The following KCNB2 variants were observed in gnomAD, a reference collection of about 807,000 sequenced individuals.
KCNB2 encodes delayed rectifier potassium channel protein.
In KCNB2, 15 loss-of-function variants were observed where a neutral mutation model predicts 61.5. The ratio of observed to expected loss-of-function variants is 0.24; its 90% CI spans 0.16 to 0.38. The LOEUF is 0.38. Ranked by LOEUF, KCNB2 falls within the 10% of genes least tolerant of loss-of-function variation. The probability of loss-of-function intolerance (pLI) is 1.00; values close to 1 mark genes in which losing one functional copy is unlikely to be tolerated. For missense variants in KCNB2, 828 were observed against 1,125.2 expected (o/e 0.74, Z 3.78); for synonymous variants, 457 against 446.0 (o/e 1.02, Z -0.31).
intron 2 of KCNB2, among the ~76,000 whole-genome samples, chr8:72,588,218 CTT>C (rs34803136): frequency 9.0e-5 from 12 of 132,814 alleles, no homozygotes; most frequent in Non-Finnish European, 9.5e-5. Context: ...GGTTTCTTTT[CTT>C]TTTTTTTTTT....
chr8:72,725,122 A>G (rs1807611013), intron 2 of KCNB2, among the ~76,000 whole-genome samples: 1 of 152,156 alleles, frequency 6.6e-6, no homozygotes. Context: ...TTTGCAGCAA[A>G]AGAATAATTT....
At chr8:72,537,965 G>C (rs1017887155) in intron 1 of KCNB2, 80 bp downstream of exon 1, 15 of 152,332 alleles carry the variant, frequency 9.8e-5, no homozygotes, top group African/African-American at 3.1e-4. Flanking sequence ...AGCCAGACTT[G>C]AGTTGCTAAA....
intron 2 of KCNB2, among the ~76,000 whole-genome samples, chr8:72,618,121 C>T (rs1805650612): frequency 6.6e-6 from 1 of 152,056 alleles, no homozygotes; most frequent in African/African-American, 2.4e-5. Context: ...GCTAAAAATG[C>T]CTACCGAGAT....
chr8:72,869,746 T>C (rs1286217656), intron 2 of KCNB2, among the ~76,000 whole-genome samples: 1 of 152,158 alleles, frequency 6.6e-6, no homozygotes, highest in East Asian at 1.9e-4. Context: ...TTGGTTGAAA[T>C]GTAAATGAGT....
intron 1 of KCNB2, among the ~76,000 whole-genome samples, chr8:72,542,532 C>A (rs17828687): frequency 0.43 from 65,447 of 151,840 alleles, 17,398 homozygotes; most frequent in Admixed American, 0.58. Flanking sequence ...CCACAGCCAA[C>A]TTAAAAATTA....
intron 2 of KCNB2, among the ~76,000 whole-genome samples, chr8:72,598,698 A>G (rs1032340942): frequency 1.3e-5 from 2 of 152,192 alleles, no homozygotes; most frequent in Non-Finnish European, 2.9e-5. Flanking sequence ...ATATCTAGAA[A>G]ATCCCAGCAT....
chr8:72,821,659 A>AAAAAAACAAC (rs1554535735), intron 2 of KCNB2, among the ~76,000 whole-genome samples: 2 of 117,006 alleles, frequency 1.7e-5, no homozygotes, highest in African/African-American at 3.2e-5. Context: ...AAAAAAAAAA[A>AAAAAAACAAC]ACACACACAC....
intron 2 of KCNB2, among the ~76,000 whole-genome samples, chr8:72,631,625 C>T (rs947443607): frequency 2.6e-5 from 4 of 152,172 alleles, no homozygotes; most frequent in Non-Finnish European, 2.9e-5. Flanking sequence ...AAGACTTCAA[C>T]GTAACTTTGT....
intron 2 of KCNB2, among the ~76,000 whole-genome samples, chr8:72,792,691 T>G: frequency 6.6e-6 from 1 of 152,224 alleles, no homozygotes; most frequent in East Asian, 1.9e-4. Context: ...TAGAGGGTTC[T>G]ATGGTACAAC....
At chr8:72,716,532 C>T (rs976752108) in intron 2 of KCNB2, among the ~76,000 whole-genome samples, 1 of 152,174 alleles carries the variant, frequency 6.6e-6, no homozygotes, top group Admixed American at 6.5e-5. Context: ...AAACGTAATC[C>T]AGCCTATAAA....
Position 72,585,393 on chromosome 8 carries a change from CAGTT to C in KCNB2, c.579+17083_579+17086del, listed in dbSNP as rs1344897143. ...TTCTGTGAATATATGTTCATTTCCT[CAGTT>C]AGAGCTTAAACCCCTTGAAGGCTTG... On this transcript the variant is annotated intron_variant, in intron 2 of 2. Transcript: ENST00000523207. Among the ~76,000 whole-genome samples the C allele has an allele frequency of 2.9e-3, 438 of 152,320 alleles. 1 individual carries two copies. Among genetic ancestry groups the C allele is most frequent in the African/African-American group, 9.7e-3 (405 of 41,570 alleles).
chr8:72,937,979 A>T lies in KCNB2; in HGVS notation c.2624A>T (p.Lys875Ile). 1 of 1,614,184 alleles carries T rather than the reference A, an allele frequency of 6.2e-7. No homozygotes were observed. The highest frequency in any genetic ancestry group is 8.5e-7 in the Non-Finnish European group (1 of 1,180,018). ...QDIYHAVSEV[K>I]KDSSQEGCKM... is the part of the protein sequence containing the mutation. ...ATTTACCATGCTGTGAGTGAAGTCA[A>T]AAAGGACAGTAGTCAAGAAGGGTGC... The change falls in exon 3 of 3, where the codon AAA (lysine) becomes ATA (isoleucine). Residue 875 changes from lysine (K) to isoleucine (I), a missense_variant. This residue lies in a region of KCNB2 where 559 missense variants were observed against 588.4 expected (regional missense o/e 0.95). Coordinates refer to ENST00000523207, the MANE Select transcript of KCNB2 (RefSeq NM_004770.3).
At chr8:72,809,375 A>T (rs1407888985) in intron 2 of KCNB2, among the ~76,000 whole-genome samples, 1 of 152,192 alleles carries the variant, frequency 6.6e-6, no homozygotes, top group Admixed American at 6.5e-5. Flanking sequence ...CCAATGGCAT[A>T]TATGACATTT....
intron 2 of KCNB2, among the ~76,000 whole-genome samples, chr8:72,654,303 C>T (rs1371336964): frequency 6.6e-6 from 1 of 152,158 alleles, no homozygotes; most frequent in African/African-American, 2.4e-5. Flanking sequence ...AAGTGTATAT[C>T]ATGAAGTATA....
At chr8:72,738,842 T>C (rs559874903) in intron 2 of KCNB2, among the ~76,000 whole-genome samples, 141 of 152,308 alleles carry the variant, frequency 9.3e-4, no homozygotes, top group Non-Finnish European at 1.7e-3. Context: ...AGTTTTATCA[T>C]ATTAAGTAAC....
intron 2 of KCNB2, among the ~76,000 whole-genome samples, chr8:72,740,545 A>G (rs1807934248): frequency 6.6e-6 from 1 of 152,192 alleles, no homozygotes; most frequent in African/African-American, 2.4e-5. Context: ...CCAAAGAGCA[A>G]GTTCTCATGG....
intron 2 of KCNB2, among the ~76,000 whole-genome samples, chr8:72,642,037 C>T (rs922140973): frequency 1.3e-5 from 2 of 152,056 alleles, no homozygotes; most frequent in Non-Finnish European, 2.9e-5. Flanking sequence ...TGAAGCTGAA[C>T]CTTGAAGTTT....
At chr8:72,890,058 T>C (rs1031931298) in intron 2 of KCNB2, among the ~76,000 whole-genome samples, 10 of 152,180 alleles carry the variant, frequency 6.6e-5, no homozygotes, top group Admixed American at 5.9e-4. Flanking sequence ...TATTTTTTCA[T>C]CTTTATTTCT....
At chr8:72,731,484 T>C (rs189140427) in intron 2 of KCNB2, among the ~76,000 whole-genome samples, 48 of 152,326 alleles carry the variant, frequency 3.2e-4, no homozygotes, top group Admixed American at 1.5e-3. Context: ...TTACTGTGCT[T>C]TTAAAAATAT....
Sources: allele counts gnomAD v4.1 joint callset (sites outside exome capture counted in the v4.1 genomes callset), GRCh38; gene constraint gnomAD v4.1.1; regional missense constraint gnomAD v4.1.1; transcripts MANE v1.5; gene names NCBI Gene and HGNC (gene_info 2026-07-23, HGNC 2026-07-21).